Variants in YLPM1 observed in about 807,000 individuals in gnomAD.
YLPM1 encodes YLP motif-containing protein 1.
In YLPM1, 99 loss-of-function variants were observed where a neutral mutation model predicts 230.0. The observed-to-expected ratio is 0.43, with a 90% confidence interval of 0.37 to 0.51. The LOEUF (loss-of-function observed/expected upper bound fraction) is 0.51, where lower values mean the gene tolerates loss of function less well. Among genes scored for constraint, YLPM1 ranks in the 20% least tolerant of loss-of-function variants. The pLI, the probability that YLPM1 is intolerant of heterozygous loss-of-function variation, is 0.00. For synonymous variants in YLPM1, 984 were observed against 942.5 expected (o/e 1.04, Z -0.81); for missense variants, 2,592 against 2,707.7 (o/e 0.96, Z 0.95).
intron 4 of YLPM1, among the ~76,000 whole-genome samples, chr14:74,792,146 A>G (rs146327527): frequency 6.0e-4 from 91 of 152,256 alleles, no homozygotes; most frequent in African/African-American, 2.1e-3. Flanking sequence ...CCTTCTGTAA[A>G]TATATACTCT....
intron 1 of YLPM1, among the ~76,000 whole-genome samples, chr14:74,770,045 G>C (rs921715258): frequency 6.6e-6 from 1 of 151,938 alleles, no homozygotes; most frequent in African/African-American, 2.4e-5. Flanking sequence ...AGCCGGGCGT[G>C]GTGGTGGGCG....
chr14:74,821,270 C>A, intron 17 of YLPM1, 133 bp downstream of exon 17: 1 of 1,284,508 alleles, frequency 7.8e-7, no homozygotes, highest in Non-Finnish European at 1.0e-6. Flanking sequence ...TAATCATCTT[C>A]AAGGAGACTT....
Position 74,824,271 on chromosome 14 carries a change from A to C in YLPM1, c.6127A>C (p.Ser2043Arg). Residue 2043 changes from serine (S) to arginine (R), a missense_variant, in exon 18 of 21, where the codon AGC (serine) becomes CGC (arginine). Around this residue, in one of 4 missense-constraint regions of YLPM1, gnomAD observed 315 missense variants for 429.3 expected, o/e 0.73. Transcript: ENST00000325680. The stretch of plus-strand genomic sequence containing the variant: ...TACGATTTAGGGTTACATTCCGAAA[A>C]GCAAATGGGAGATGGACACATCTGA... ...EESELGYIPK[S>R]KWEMDTSEAK... 1 of 1,612,400 alleles carries C rather than the reference A, an allele frequency of 6.2e-7. No individual in the cohort carries two copies. Among genetic ancestry groups the C allele is most frequent in the Non-Finnish European group, 8.5e-7 (1 of 1,178,868 alleles).
intron 11 of YLPM1, among the ~76,000 whole-genome samples, chr14:74,814,724 G>A (rs964433799): frequency 3.9e-5 from 6 of 152,162 alleles, no homozygotes; most frequent in Admixed American, 2.0e-4. Context: ...TATGTGGTTT[G>A]GTGTAATGCT....
At chr14:74,821,649 G>A (rs2091521689) in intron 17 of YLPM1, 1 of 152,240 alleles carries the variant, frequency 6.6e-6, no homozygotes, top group African/African-American at 2.4e-5. Flanking sequence ...TGACTGTGTA[G>A]GCAATGGATT....
At position 74,798,940 on chromosome 14, in the gene YLPM1, C is replaced by T. The variant is rs1462144569; in HGVS notation, c.3643C>T (p.Arg1215Ter). 4.3e-6 allele frequency: 7 copies of T among 1,613,576 alleles called. No individual in the cohort carries two copies. The highest frequency in any genetic ancestry group is 5.1e-6 in the Non-Finnish European group (6 of 1,179,776). Residue 1215 changes from arginine to a stop codon, truncating the protein, a stop_gained, in exon 5 of 21, where the codon CGA (arginine) becomes TGA (stop). Transcript: ENST00000325680. LOFTEE classifies it high-confidence loss of function. ...PLDGRNAPME[R>*]ERLDDWDRER... is the part of the protein sequence containing the mutation. ...AGATGGTAGAAATGCTCCAATGGAA[C>T]GAGAAAGACTCGATGACTGGGATAG...
At chr14:74,789,601 C>CTTTT in intron 4 of YLPM1, among the ~76,000 whole-genome samples, 1 of 141,200 alleles carries the variant, frequency 7.1e-6, no homozygotes, top group Non-Finnish European at 1.6e-5. Flanking sequence ...ATTTTTCTTT[C>CTTTT]TTTTCTTTTT....
intron 4 of YLPM1, among the ~76,000 whole-genome samples, chr14:74,797,170 T>A (rs1594824601): frequency 7.0e-6 from 1 of 142,542 alleles, no homozygotes; most frequent in African/African-American, 2.6e-5. Context: ...TTTTTTTTTT[T>A]AGTAGAGATA....
intron 11 of YLPM1, among the ~76,000 whole-genome samples, chr14:74,813,287 A>G (rs537266176): frequency 6.6e-6 from 1 of 152,186 alleles, no homozygotes; most frequent in Non-Finnish European, 1.5e-5. Flanking sequence ...TTTGCCTACT[A>G]TTACTATATA....
chr14:74,788,117 C>CTTTTTTTTTT (rs55982413), intron 4 of YLPM1, among the ~76,000 whole-genome samples: 1 of 148,838 alleles, frequency 6.7e-6, no homozygotes. Flanking sequence ...GTCACATACC[C>CTTTTTTTTTT]TTTTTTTTTT....
rs758488992 is a variant in YLPM1 at position 74,798,455 on chromosome 14, A to T, written c.3158A>T (p.Lys1053Met). 6.2e-7 allele frequency: 1 copy of T among 1,614,004 alleles called. No individual in the cohort carries two copies. The change falls in exon 5 of 21, where the codon AAG becomes ATG. Residue 1053 changes from lysine (K) to methionine (M), a missense_variant. By Grantham distance (95) the Lys-to-Met change is moderately conservative (BLOSUM62 -1). Transcript: ENST00000325680. ...ATCAGTCGAGGCCCAGGATTGGTCAAGCAAGAAGACTTTCGGGATAAGATG... is the reference window on the plus strand; with the variant it reads ...ATCAGTCGAGGCCCAGGATTGGTCATGCAAGAAGACTTTCGGGATAAGATG... ...QAISRGPGLV[K>M]QEDFRDKMMG...
intron 18 of YLPM1, among the ~76,000 whole-genome samples, chr14:74,826,324 G>A (rs936296890): frequency 3.9e-5 from 6 of 152,042 alleles, no homozygotes; most frequent in Non-Finnish European, 5.9e-5. Flanking sequence ...ATCTTGTGTC[G>A]GATCTTGTAG....
In YLPM1 at chr14:74,799,108, G is replaced by A. The variant is rs763706776; in HGVS notation, c.3811G>A (p.Asp1271Asn). The change falls in exon 5 of 21, where the codon GAC (aspartate) becomes AAC (asparagine). Residue 1271 changes from aspartate to asparagine, a missense_variant. Asp to Asn is a conservative substitution (Grantham distance 23). This residue lies in a region of YLPM1 where 1,862 missense variants were observed against 1,819.8 expected (regional missense o/e 1.02). Coordinates refer to ENST00000325680, the MANE Select transcript of YLPM1 (RefSeq NM_019589.3). Reference sequence around the variant, plus strand: ...CCCTTGGTGGGATGATTGGGAGAGAGACCAGGATATGGATGAGGACTACAA... The same window carrying A: ...CCCTTGGTGGGATGATTGGGAGAGAAACCAGGATATGGATGAGGACTACAA... ...RGPWWDDWER[D>N]QDMDEDYNRE... is the part of the protein sequence containing the mutation. 2 of 1,613,900 alleles carry A rather than the reference G, an allele frequency of 1.2e-6. No individual in the cohort carries two copies. The highest frequency in any genetic ancestry group is 1.1e-5 in the South Asian group (1 of 91,044).
intron 19 of YLPM1, among the ~76,000 whole-genome samples, chr14:74,833,384 G>T (rs937733873): frequency 6.6e-6 from 1 of 151,980 alleles, no homozygotes; most frequent in African/African-American, 2.4e-5. Context: ...TAGTAGCTAG[G>T]ATTTCAGGCA....
intron 5 of YLPM1, among the ~76,000 whole-genome samples, chr14:74,802,286 A>G (rs1405478672): frequency 1.3e-5 from 2 of 151,848 alleles, no homozygotes; most frequent in Non-Finnish European, 2.9e-5. Flanking sequence ...CAAGTAGATG[A>G]GATAGTAGAA....
At chr14:74,831,577 T>C (rs1342871483) in intron 19 of YLPM1, among the ~76,000 whole-genome samples, 1 of 152,250 alleles carries the variant, frequency 6.6e-6, no homozygotes, top group Non-Finnish European at 1.5e-5. Flanking sequence ...CAGTTTATTT[T>C]ATTAGGTTGG....
intron 4 of YLPM1, among the ~76,000 whole-genome samples, chr14:74,787,790 G>A (rs532972908): frequency 3.7e-4 from 56 of 150,678 alleles, no homozygotes; most frequent in Non-Finnish European, 7.3e-4. Context: ...CTAGGCGAGC[G>A]GATCACTTGA....
chr14:74,807,864 T>A (rs1348144661), intron 6 of YLPM1, among the ~76,000 whole-genome samples: 2 of 152,224 alleles, frequency 1.3e-5, no homozygotes, highest in Non-Finnish European at 2.9e-5. Flanking sequence ...AGGAGATAGG[T>A]CTCTAGAGTA....
chr14:74,836,035 A>AT lies in YLPM1; in HGVS notation c.*300dup, dbSNP rs2091641589. ...CTGCTGGAGGATTCCAACAGAGAGT[A>AT]TTTCCTCCACTGTACAATGTCACAG... On this transcript the variant is annotated 3_prime_UTR_variant, in exon 21 of 21. Transcript: ENST00000325680. 2.6e-6 allele frequency: 1 copy of AT among 380,230 alleles called. No individual in the cohort carries two copies. Among genetic ancestry groups the AT allele is most frequent in the African/African-American group, 2.1e-5 (1 of 47,038 alleles). 23.6% of individuals were successfully genotyped at this position (380,230 alleles called of 1,614,324 possible).
Sources: allele counts gnomAD v4.1 joint callset (sites outside exome capture counted in the v4.1 genomes callset), GRCh38; gene constraint gnomAD v4.1.1; regional missense constraint gnomAD v4.1.1; transcripts MANE v1.5; gene names NCBI Gene and HGNC (gene_info 2026-07-23, HGNC 2026-07-21).